The following PRIMA1 variants were observed in gnomAD, a reference collection of about 807,000 sequenced individuals.
The protein encoded by PRIMA1 is proline-rich membrane anchor 1.
PRIMA1 carries 7 observed loss-of-function variants against 17.5 expected under a neutral mutation model. The ratio of observed to expected loss-of-function variants is 0.40; its 90% CI spans 0.23 to 0.75. PRIMA1 has a LOEUF of 0.75. Among genes scored for constraint, PRIMA1 ranks in the 30% least tolerant of loss-of-function variants. The pLI, the probability that PRIMA1 is intolerant of heterozygous loss-of-function variation, is 0.37. For synonymous variants in PRIMA1, 97 were observed against 77.9 expected (o/e 1.25, Z -1.29); for missense variants, 200 against 201.8 (o/e 0.99, Z 0.05).
rs190322982 is a variant in PRIMA1, at chr14:93,744,113, C to T, written c.230-6743G>A. Reference sequence around the variant, plus strand: ...GGATCAAAAAGGGGAGGACCCTGCCCGAGGCCACACAGGGACCAGACCCAG... The same window carrying T: ...GGATCAAAAAGGGGAGGACCCTGCCTGAGGCCACACAGGGACCAGACCCAG... On this transcript the variant is annotated intron_variant, in intron 3 of 4. Transcript: ENST00000393140. 3.5e-4 allele frequency among the ~76,000 whole-genome samples: 54 copies of T among 152,338 alleles called. 1 individual carries two copies. The highest frequency in any genetic ancestry group is 6.8e-3 in the Middle Eastern group (2 of 294).
At chr14:93,737,816 G>A (rs977147402) in intron 3 of PRIMA1, among the ~76,000 whole-genome samples, 5 of 152,168 alleles carry the variant, frequency 3.3e-5, no homozygotes, top group South Asian at 2.1e-4. Flanking sequence ...GGGGCTGAGC[G>A]CCACGCCCCA....
Position 93,750,410 on chromosome 14 carries a change from A to G in PRIMA1, c.230-13040T>C, listed in dbSNP as rs138228660. 8.7e-4 allele frequency among the ~76,000 whole-genome samples: 133 copies of G among 152,298 alleles called. 1 individual carries two copies. The highest frequency in any genetic ancestry group is 1.1e-3 in the Non-Finnish European group (78 of 68,016). On this transcript the variant is annotated intron_variant, in intron 3 of 4. Coordinates refer to ENST00000393140, the MANE Select transcript of PRIMA1 (RefSeq NM_178013.4). ...TGACAGAGCAAGACCCTGTCTCAAAACAAACATGACGGGGCCCTCATGAAT... is the reference window on the plus strand; with the variant it reads ...TGACAGAGCAAGACCCTGTCTCAAAGCAAACATGACGGGGCCCTCATGAAT...
intron 4 of PRIMA1, among the ~76,000 whole-genome samples, chr14:93,735,401 G>T (rs2076143161): frequency 6.6e-6 from 1 of 152,146 alleles, no homozygotes; most frequent in African/African-American, 2.4e-5. Flanking sequence ...CCTTGACCTA[G>T]AATGCCTCCT....
intron 3 of PRIMA1, among the ~76,000 whole-genome samples, chr14:93,741,343 C>G (rs760616761): frequency 4.6e-5 from 7 of 152,224 alleles, no homozygotes; most frequent in African/African-American, 1.4e-4. Flanking sequence ...GATCTTTGGG[C>G]TACAGCTGGG....
chr14:93,725,487 C>T lies in PRIMA1; in HGVS notation c.360-3941G>A, dbSNP rs149469073. Among the ~76,000 whole-genome samples the T allele has an allele frequency of 4.8e-3, 728 of 152,238 alleles. 7 individuals are homozygous for T. The highest frequency in any genetic ancestry group is 0.016 in the African/African-American group (659 of 41,530). ...CCCAACTCCACCCCTCCATCAAGCA[C>T]GGCACTTCAGGGTGACGCTGCGGAA... On this transcript the variant is annotated intron_variant, in intron 4 of 4. Transcript: ENST00000393140.
chr14:93,780,032 A>G (rs2141194500), intron 2 of PRIMA1, among the ~76,000 whole-genome samples: 1 of 152,190 alleles, frequency 6.6e-6, no homozygotes, highest in East Asian at 1.9e-4. Flanking sequence ...GCAAGGGGCG[A>G]TCCCTGACAA....
Position 93,726,338 on chromosome 14 carries a change from T to C in PRIMA1, c.360-4792A>G, listed in dbSNP as rs1024065112. 6.6e-6 allele frequency among the ~76,000 whole-genome samples: 1 copy of C among 152,260 alleles called. No individual in the cohort carries two copies. The highest frequency in any genetic ancestry group is 3.4e-3 in the Middle Eastern group (1 of 294). Reference sequence around the variant, plus strand: ...TGCTGCTCTGTGGGGATGGAGGAGATGGAGGCAAAGAACAACTCTGGGAGC... The same window carrying C: ...TGCTGCTCTGTGGGGATGGAGGAGACGGAGGCAAAGAACAACTCTGGGAGC... On this transcript the variant is annotated intron_variant, in intron 4 of 4. Transcript: ENST00000393140. This position sits in a 1 kb window ranked among gnomAD's most constrained non-coding sequence, Gnocchi z 4.2.
chr14:93,757,906 C>T (rs538770397), intron 3 of PRIMA1, among the ~76,000 whole-genome samples: 17 of 152,210 alleles, frequency 1.1e-4, no homozygotes, highest in Non-Finnish European at 1.9e-4. Flanking sequence ...GAACACATGA[C>T]GGACACTGTT....
rs1885568308 is a variant in PRIMA1, at chr14:93,787,764, A to T, written c.-31-15T>A. On this transcript the variant is annotated splice_polypyrimidine_tract_variant and intron_variant, in intron 1 of 4. Coordinates refer to ENST00000393140, the MANE Select transcript of PRIMA1 (RefSeq NM_178013.4). ...CCTGGGGCGAACTGTCAGGAGAGCA[A>T]GGCTAGGGTCAGGCGGACACCGCGC... The T allele has an allele frequency of 1.3e-6, 2 of 1,534,234 alleles. No homozygotes were observed. Among genetic ancestry groups the T allele is most frequent in the East Asian group, 2.5e-5 (1 of 40,770 alleles).
At chr14:93,741,594 C>G (rs1258701420) in intron 3 of PRIMA1, among the ~76,000 whole-genome samples, 1 of 152,226 alleles carries the variant, frequency 6.6e-6, no homozygotes, top group Non-Finnish European at 1.5e-5. Flanking sequence ...AGGGCTGGTG[C>G]TAGCCGCCCC....
At position 93,787,843 on chromosome 14, in the gene PRIMA1, ACGCCCCGC is replaced by A; in HGVS notation, c.-31-102_-31-95del. ...ACCTCCCAGCCCGGGTCGGACGGGC[ACGCCCCGC>A]ACCCAGGGGCACCCTAGTAAACCAA... On this transcript the variant is annotated intron_variant, in intron 1 of 4. Coordinates refer to ENST00000393140, the MANE Select transcript of PRIMA1 (RefSeq NM_178013.4). 4 of 1,413,964 alleles carry A rather than the reference ACGCCCCGC, an allele frequency of 2.8e-6. No individual in the cohort carries two copies. The South Asian group carries it at 4.3e-5, about 15-fold the overall frequency. The allele number at this position is 1,413,964 out of a possible 1,614,324, so 87.6% of individuals were successfully genotyped here.
chr14:93,733,495 C>T (rs2076128979), intron 4 of PRIMA1, among the ~76,000 whole-genome samples: 1 of 152,064 alleles, frequency 6.6e-6, no homozygotes, highest in Non-Finnish European at 1.5e-5. Flanking sequence ...CCTGCCGAGG[C>T]CCGTGTCCCG....
intron 3 of PRIMA1, among the ~76,000 whole-genome samples, chr14:93,739,276 T>C (rs1324892159): frequency 6.6e-6 from 1 of 152,148 alleles, no homozygotes; most frequent in Non-Finnish European, 1.5e-5. Context: ...GGTCTCGAAC[T>C]CCTGACCTCA....
intron 2 of PRIMA1, among the ~76,000 whole-genome samples, chr14:93,785,251 G>C (rs1234547303): frequency 7.0e-6 from 1 of 142,716 alleles, no homozygotes; most frequent in Admixed American, 7.0e-5. Flanking sequence ...AATCACAAAA[G>C]CTCAAAATCT....
At chr14:93,740,843 T>A (rs2141163838) in intron 3 of PRIMA1, among the ~76,000 whole-genome samples, 1 of 152,366 alleles carries the variant, frequency 6.6e-6, no homozygotes, top group African/African-American at 2.4e-5. Flanking sequence ...AGGGCCCCTG[T>A]TGAGAAATTT....
chr14:93,788,567 T>C (rs1359655876), upstream of PRIMA1: 1 of 152,252 alleles, frequency 6.6e-6, no homozygotes, highest in African/African-American at 2.4e-5. Context: ...GTCCTCACCT[T>C]GGCGGCTGCG....
chr14:93,748,716 G>A (rs140135499), intron 3 of PRIMA1, among the ~76,000 whole-genome samples: 1 of 152,124 alleles, frequency 6.6e-6, no homozygotes, highest in Non-Finnish European at 1.5e-5. Flanking sequence ...TTTCTGCCTG[G>A]TGCTCTGTGC....
rs751549597 is a variant in PRIMA1, at chr14:93,779,330, G to A, written c.94-19C>T. 27 of 1,535,984 alleles carry A rather than the reference G, an allele frequency of 1.8e-5. 1 individual carries two copies. Among genetic ancestry groups the A allele is most frequent in the South Asian group, 9.0e-5 (7 of 78,092 alleles). ...GCGTCACCTGTACACATGGGCACACGTACCCAAGAGAGAGAGAAGACCATA... is the reference window on the plus strand; with the variant it reads ...GCGTCACCTGTACACATGGGCACACATACCCAAGAGAGAGAGAAGACCATA... On this transcript the variant is annotated intron_variant, in intron 2 of 4. Coordinates refer to ENST00000393140, the MANE Select transcript of PRIMA1 (RefSeq NM_178013.4).
chr14:93,761,312 C>T (rs1161505844), intron 3 of PRIMA1, among the ~76,000 whole-genome samples: 2 of 152,124 alleles, frequency 1.3e-5, no homozygotes, highest in Non-Finnish European at 2.9e-5. Flanking sequence ...GATTGTGCCA[C>T]TGCACTCCAC....
Sources: gnomAD v4.1 joint callset for allele counts (sites outside exome capture counted in the v4.1 genomes callset) on GRCh38, gnomAD v4.1.1 for gene constraint, Gnocchi (gnomAD v3.1) non-coding constraint, MANE v1.5 for transcripts, NCBI Gene and HGNC (gene_info 2026-07-23, HGNC 2026-07-21) for gene names.